The following NIN variants were observed in gnomAD, a reference collection of about 807,000 sequenced individuals.
The protein encoded by NIN is glycogen synthase kinase 3 beta-interacting protein.
Under a neutral mutation model 257.6 loss-of-function variants are expected in NIN, and 137 were observed. The observed-to-expected ratio is 0.53, with a 90% confidence interval of 0.46 to 0.61. The LOEUF is 0.61. Among genes scored for constraint, NIN ranks in the 20% least tolerant of loss-of-function variants. The pLI is 0.00. For synonymous variants in NIN, 918 were observed against 919.8 expected (o/e 1.00, Z 0.04); for missense variants, 2,439 against 2,501.2 (o/e 0.98, Z 0.53).
At chr14:50,827,184 G>T (rs2045493400) in intron 2 of NIN, among the ~76,000 whole-genome samples, 1 of 152,156 alleles carries the variant, frequency 6.6e-6, no homozygotes, top group South Asian at 2.1e-4. Flanking sequence ...CAGTATAAAA[G>T]GAAAGAGTGA....
At chr14:50,756,448 G>A (rs1460641499) in intron 18 of NIN, 44 bp downstream of exon 18, 4 of 1,534,984 alleles carry the variant, frequency 2.6e-6, no homozygotes, top group Non-Finnish European at 3.5e-6. Flanking sequence ...GATCTGGTGA[G>A]GTGCTCTGTG....
chr14:50,804,029 G>A (rs2044213774), intron 4 of NIN, among the ~76,000 whole-genome samples: 1 of 151,872 alleles, frequency 6.6e-6, no homozygotes, highest in African/African-American at 2.4e-5. Flanking sequence ...CTGAGTAGCT[G>A]GTACTACAGG....
chr14:50,816,216 TG>T (rs933250863), intron 3 of NIN, among the ~76,000 whole-genome samples: 9 of 129,254 alleles, frequency 7.0e-5, no homozygotes, highest in Non-Finnish European at 1.0e-4. Context: ...ACCTGTGAGG[TG>T]GGGGGAGGGA....
At chr14:50,751,105 T>G (rs1419488474) in intron 21 of NIN, among the ~76,000 whole-genome samples, 4 of 152,218 alleles carry the variant, frequency 2.6e-5, no homozygotes, top group African/African-American at 9.6e-5. Flanking sequence ...TTCCTTTTTC[T>G]TGAACAGCTG....
intron 28 of NIN, among the ~76,000 whole-genome samples, chr14:50,729,996 T>G (rs1238516391): frequency 1.3e-5 from 2 of 152,248 alleles, no homozygotes; most frequent in South Asian, 2.1e-4. Flanking sequence ...AAGGGCACGA[T>G]GTACATAATA....
At chr14:50,759,633 A>G in intron 17 of NIN, among the ~76,000 whole-genome samples, 1 of 152,102 alleles carries the variant, frequency 6.6e-6, no homozygotes, top group Non-Finnish European at 1.5e-5. Context: ...AGCTGGGACT[A>G]CAGGCGCCCG....
chr14:50,757,656 T>A lies in NIN; in HGVS notation c.3374A>T (p.Gln1125Leu), dbSNP rs12882191. 8 of 1,613,968 alleles carry A rather than the reference T, an allele frequency of 5.0e-6. No homozygotes were observed. Among genetic ancestry groups the A allele is most frequent in the East Asian group, 2.2e-5 (1 of 44,872 alleles). ...FFGNTAEQTE[Q>L]FLQQNRTKQV... Reference sequence around the variant, plus strand: ...CTTCGTTCGGTTTTGCTGTAAAAACTGCTCTGTTTGTTCCGCAGTATTTCC... The same window carrying A: ...CTTCGTTCGGTTTTGCTGTAAAAACAGCTCTGTTTGTTCCGCAGTATTTCC... Residue 1125 changes from glutamine (Q) to leucine (L), a missense_variant, in exon 18 of 31, where the codon CAG becomes CTG. Physicochemically the swap from Gln to Leu is moderately radical, Grantham distance 113. Coordinates refer to ENST00000530997, the MANE Select transcript of NIN (RefSeq NM_020921.4).
At position 50,739,359 on chromosome 14, in the gene NIN, G is replaced by C. The variant is rs769774186; in HGVS notation, c.5577C>G (p.Leu1859=). The C allele has an allele frequency of 1.3e-5, 21 of 1,614,074 alleles. No individual in the cohort carries two copies. The highest frequency in any genetic ancestry group is 1.7e-5 in the Non-Finnish European group (20 of 1,180,042). The change falls in exon 26 of 31, where the codon CTC becomes CTG. Residue 1859 remains leucine (L), a synonymous_variant. Coordinates refer to ENST00000530997, the MANE Select transcript of NIN (RefSeq NM_020921.4). ...CTTTGGTGTTCTGTACCATGGTCTGGAGCCTCTCATTCTCTTGCCAAAGCA... is the reference window on the plus strand; with the variant it reads ...CTTTGGTGTTCTGTACCATGGTCTGCAGCCTCTCATTCTCTTGCCAAAGCA... ...QQLLWQENER[L]QTMVQNTKAE...
intron 4 of NIN, among the ~76,000 whole-genome samples, chr14:50,803,358 A>C (rs1243188675): frequency 6.6e-6 from 1 of 152,222 alleles, no homozygotes; most frequent in Non-Finnish European, 1.5e-5. Flanking sequence ...ATCTCAAAAA[A>C]ACAAAAACAA....
Position 50,767,691 on chromosome 14 carries a change from C to T in NIN, c.1435-801G>A, listed in dbSNP as rs546937229. 8.6e-4 allele frequency among the ~76,000 whole-genome samples: 130 copies of T among 151,976 alleles called. 1 individual carries two copies. Among genetic ancestry groups the T allele is most frequent in the Non-Finnish European group, 1.6e-3 (107 of 67,970 alleles). On this transcript the variant is annotated intron_variant, in intron 12 of 30. Coordinates refer to ENST00000530997, the MANE Select transcript of NIN (RefSeq NM_020921.4). ...AATTAGCCAGGTGTGGTGGCGGGCG[C>T]CTGTAGTCCCAGCTACTTGGGAGGC... is the stretch of plus-strand genomic sequence containing the variant.
chr14:50,781,902 C>G (rs2043148626), intron 5 of NIN, among the ~76,000 whole-genome samples: 1 of 151,498 alleles, frequency 6.6e-6, no homozygotes, highest in East Asian at 1.9e-4. Flanking sequence ...TTGGGTAGAC[C>G]TGGGGAGGTA....
chr14:50,780,196 T>C (rs1198627856), intron 5 of NIN, among the ~76,000 whole-genome samples: 3 of 152,194 alleles, frequency 2.0e-5, no homozygotes, highest in Non-Finnish European at 4.4e-5. Context: ...CTAAAACTAA[T>C]CACTGTTATG....
chr14:50,806,737 C>T lies in NIN; in HGVS notation c.265G>A (p.Asp89Asn). ...AGAGAAGAGAAGTGAGTGACCTTAC[C>T]TGGTTCTTGAAAGTGTTCTTCATTT... is the stretch of plus-strand genomic sequence containing the variant. Reference protein sequence around the residue: ...LSNEEHFQEPDCSLEAQPKYV... With the variant: ...LSNEEHFQEPNCSLEAQPKYV... The change falls in exon 4 of 31, where the codon GAC becomes AAC. Residue 89 changes from aspartate (D) to asparagine (N), a missense_variant and splice_region_variant. Around this residue, in one of 3 missense-constraint regions of NIN, gnomAD observed 387 missense variants for 427.3 expected, o/e 0.91. Coordinates refer to ENST00000530997, the MANE Select transcript of NIN (RefSeq NM_020921.4). The T allele has an allele frequency of 6.4e-7, 1 of 1,554,786 alleles. No homozygotes were observed. Among genetic ancestry groups the T allele is most frequent in the Non-Finnish European group, 8.9e-7 (1 of 1,129,190 alleles).
chr14:50,771,318 TCTG>T lies in NIN; in HGVS notation c.1118+11_1118+13del. 2 of 1,612,966 alleles carry T rather than the reference TCTG, an allele frequency of 1.2e-6. No individual in the cohort carries two copies. The highest frequency in any genetic ancestry group is 1.7e-6 in the Non-Finnish European group (2 of 1,179,634). ...GAAAGGGAATGGGGCAGGCGAACCT[TCTG>T]CTCAACTCACAACAAATGCCGGATT... On this transcript the variant is annotated intron_variant, in intron 10 of 30. Coordinates refer to ENST00000530997, the MANE Select transcript of NIN (RefSeq NM_020921.4).
At chr14:50,727,988 TG>T (rs1183200514) in intron 29 of NIN, among the ~76,000 whole-genome samples, 1 of 152,084 alleles carries the variant, frequency 6.6e-6, no homozygotes, top group Non-Finnish European at 1.5e-5. Flanking sequence ...CAGCGGGAAA[TG>T]GGAGAGCCTG....
At chr14:50,739,937 CTT>C (rs1377611305) in intron 25 of NIN, among the ~76,000 whole-genome samples, 4 of 152,236 alleles carry the variant, frequency 2.6e-5, no homozygotes, top group Non-Finnish European at 5.9e-5. Context: ...CTAAACTCTA[CTT>C]TCATTTTCAC....
intron 4 of NIN, chr14:50,806,014 C>G (rs918477708): frequency 2.6e-5 from 4 of 152,140 alleles, no homozygotes; most frequent in Non-Finnish European, 4.4e-5. Context: ...ACACCTCCCC[C>G]CTACACACAC....
intron 4 of NIN, chr14:50,794,306 C>T (rs1430497018): frequency 3.2e-5 from 5 of 155,094 alleles, no homozygotes; most frequent in African/African-American, 1.2e-4. Flanking sequence ...TATATAATTT[C>T]TAGTGATATT....
chr14:50,738,426 G>T, intron 26 of NIN, 140 bp from the exon 27 acceptor site: 1 of 748,808 alleles, frequency 1.3e-6, no homozygotes. Flanking sequence ...AATACTTGAA[G>T]CTAGCTTTTC....
Sources: gnomAD v4.1 joint callset for allele counts (sites outside exome capture counted in the v4.1 genomes callset) on GRCh38, gnomAD v4.1.1 for gene constraint, gnomAD v4.1.1 regional missense constraint, MANE v1.5 for transcripts, NCBI Gene and HGNC (gene_info 2026-07-23, HGNC 2026-07-21) for gene names.